The following RGS9 variants were observed in gnomAD, a reference collection of about 807,000 sequenced individuals.
The protein encoded by RGS9 is regulator of G protein signaling 9.
RGS9 carries 78 observed loss-of-function variants against 102.0 expected under a neutral mutation model. The ratio of observed to expected loss-of-function variants is 0.76; its 90% confidence interval spans 0.64 to 0.92. The LOEUF (loss-of-function observed/expected upper bound fraction) is 0.92, where lower values mean the gene tolerates loss of function less well. Among genes scored for constraint, RGS9 ranks in the 40% least tolerant of loss-of-function variants. The probability of loss-of-function intolerance (pLI) is 0.00; values close to 1 mark genes in which losing one functional copy is unlikely to be tolerated. For missense variants in RGS9, 833 were observed against 866.1 expected (o/e 0.96, Z 0.48); for synonymous variants, 353 against 318.6 (o/e 1.11, Z -1.15).
At chr17:65,183,093 T>TATCC (rs1390074673) in intron 9 of RGS9, among the ~76,000 whole-genome samples, 2 of 151,260 alleles carry the variant, frequency 1.3e-5, no homozygotes, top group African/African-American at 4.9e-5. Flanking sequence ...TCTATCTATC[T>TATCC]ATCTATCTAT....
Position 65,177,733 on chromosome 17 carries a change from C to G in RGS9, c.584C>G (p.Pro195Arg). ...TTATGTTGTTTTTATTCCATTTAGC[C>G]TGGAATGGACAATGTGCTGGACTAC... ...KAYWLVHRCP[P>R]GMDNVLDYGL... is the part of the protein sequence containing the mutation. The change falls in exon 9 of 19, where the codon CCT becomes CGT. Residue 195 changes from proline (P) to arginine (R), a missense_variant and splice_region_variant. This residue lies in a region of RGS9 where 328 missense variants were observed against 340.6 expected (regional missense o/e 0.96). Coordinates refer to ENST00000262406, the MANE Select transcript of RGS9 (RefSeq NM_003835.4). 1.2e-6 allele frequency: 2 copies of G among 1,613,764 alleles called. No individual in the cohort carries two copies. The highest frequency in any genetic ancestry group is 1.7e-6 in the Non-Finnish European group (2 of 1,179,636).
At chr17:65,187,108 A>C (rs1297752165) in intron 9 of RGS9, among the ~76,000 whole-genome samples, 2 of 152,160 alleles carry the variant, frequency 1.3e-5, no homozygotes, top group Non-Finnish European at 2.9e-5. Context: ...GAGTGCTTTC[A>C]ATTTTTTAGT....
chr17:65,204,850 G>A (rs16961183), intron 15 of RGS9, among the ~76,000 whole-genome samples: 8,730 of 152,276 alleles, frequency 0.057, 318 homozygotes, highest in African/African-American at 0.098. Flanking sequence ...TGCTGCTCCA[G>A]AATCTAGTGG....
chr17:65,152,436 G>A (rs1910614013), intron 1 of RGS9, among the ~76,000 whole-genome samples: 2 of 152,250 alleles, frequency 1.3e-5, no homozygotes, highest in African/African-American at 4.8e-5. Context: ...CAGCCACGCA[G>A]AAGAGTGACA....
At chr17:65,215,472 TTCTCTA>T (rs1307676069) in intron 17 of RGS9, among the ~76,000 whole-genome samples, 40 of 144,342 alleles carry the variant, frequency 2.8e-4, no homozygotes, top group East Asian at 1.6e-3. Context: ...CTTTCTTTCT[TTCTCTA>T]TCTTTCTTTC....
At chr17:65,186,385 T>C (rs1339337661) in intron 9 of RGS9, among the ~76,000 whole-genome samples, 3 of 151,834 alleles carry the variant, frequency 2.0e-5, no homozygotes, top group Non-Finnish European at 4.4e-5. Context: ...CCGGCTAATT[T>C]TTGTATTTTC....
intron 1 of RGS9, among the ~76,000 whole-genome samples, chr17:65,138,669 A>G (rs917527338): frequency 1.3e-5 from 2 of 152,106 alleles, no homozygotes; most frequent in Admixed American, 1.3e-4. Flanking sequence ...TGTATTGCAG[A>G]TACCAGTTAC....
intron 17 of RGS9, among the ~76,000 whole-genome samples, chr17:65,211,575 C>G (rs1040803406): frequency 4.3e-5 from 6 of 139,254 alleles, no homozygotes; most frequent in African/African-American, 1.6e-4. Flanking sequence ...GAGGTCAGCC[C>G]TGTGGTCAGG....
intron 2 of RGS9, among the ~76,000 whole-genome samples, chr17:65,156,176 C>T (rs1910760245): frequency 6.6e-6 from 1 of 152,184 alleles, no homozygotes; most frequent in Admixed American, 6.5e-5. Flanking sequence ...GCACCCACCA[C>T]CACATCCAAC....
At chr17:65,139,099 CT>C (rs1173847976) in intron 1 of RGS9, among the ~76,000 whole-genome samples, 6 of 131,572 alleles carry the variant, frequency 4.6e-5, no homozygotes, top group Non-Finnish European at 8.1e-5. Flanking sequence ...TCCACCCCAG[CT>C]CTCCCCCCTC....
At chr17:65,213,191 A>T (rs923245607) in intron 17 of RGS9, among the ~76,000 whole-genome samples, 2 of 152,194 alleles carry the variant, frequency 1.3e-5, no homozygotes, top group African/African-American at 4.8e-5. Flanking sequence ...TTACTTGAAG[A>T]TTTGGAATGG....
At chr17:65,206,843 C>A (rs1242207557) in intron 15 of RGS9, among the ~76,000 whole-genome samples, 6 of 152,208 alleles carry the variant, frequency 3.9e-5, no homozygotes, top group African/African-American at 1.4e-4. Flanking sequence ...ACAGCTATGT[C>A]CTATGGTGAA....
chr17:65,150,336 A>G (rs1417341005), intron 1 of RGS9, among the ~76,000 whole-genome samples: 1 of 152,082 alleles, frequency 6.6e-6, no homozygotes, highest in African/African-American at 2.4e-5. Context: ...AATTCAACCT[A>G]GGAGGCTGGG....
intron 7 of RGS9, among the ~76,000 whole-genome samples, chr17:65,164,302 G>C (rs779069199): frequency 3.0e-4 from 46 of 152,196 alleles, no homozygotes; most frequent in Non-Finnish European, 5.7e-4. Flanking sequence ...GCAGGGACAG[G>C]GATTTCCTGT....
chr17:65,207,865 G>A, intron 15 of RGS9, 57 bp from the exon 16 acceptor site: 1 of 1,297,238 alleles, frequency 7.7e-7, no homozygotes, highest in Non-Finnish European at 1.1e-6. Flanking sequence ...AAGGGTATTG[G>A]TTTGATTTGA....
intron 17 of RGS9, among the ~76,000 whole-genome samples, chr17:65,213,415 C>G (rs140560321): frequency 6.6e-6 from 1 of 152,186 alleles, no homozygotes; most frequent in Admixed American, 6.5e-5. Context: ...TTTATGGGAA[C>G]ATTTGAGAAG....
At chr17:65,193,962 A>G (rs956061339) in intron 12 of RGS9, among the ~76,000 whole-genome samples, 1 of 152,176 alleles carries the variant, frequency 6.6e-6, no homozygotes, top group African/African-American at 2.4e-5. Flanking sequence ...TCATTTCACA[A>G]GTAGAAGAGG....
intron 13 of RGS9, among the ~76,000 whole-genome samples, chr17:65,199,894 T>G (rs1261738768): frequency 6.6e-6 from 1 of 152,236 alleles, no homozygotes; most frequent in African/African-American, 2.4e-5. Context: ...GCTTATCCAT[T>G]TGTAAGTTAA....
intron 8 of RGS9, among the ~76,000 whole-genome samples, chr17:65,172,749 G>T (rs769969571): frequency 4.6e-5 from 7 of 151,948 alleles, no homozygotes; most frequent in Admixed American, 4.6e-4. Flanking sequence ...AGAATGCCAT[G>T]GCAGCTGGTA....
Sources: gnomAD v4.1 joint callset for allele counts (sites outside exome capture counted in the v4.1 genomes callset) on GRCh38, gnomAD v4.1.1 for gene constraint, gnomAD v4.1.1 regional missense constraint, MANE v1.5 for transcripts, NCBI Gene and HGNC (gene_info 2026-07-23, HGNC 2026-07-21) for gene names.